The following PTPN3 variants were observed in gnomAD, a reference collection of about 807,000 sequenced individuals.
PTPN3 encodes the protein protein tyrosine phosphatase non-receptor type 3, also known as tyrosine-protein phosphatase non-receptor type 3.
A neutral mutation model predicts 132.7 loss-of-function variants in PTPN3; 96 were observed. The ratio of observed to expected loss-of-function variants is 0.72; its 90% confidence interval spans 0.61 to 0.86. PTPN3 has a LOEUF of 0.86. Ranked by LOEUF, PTPN3 falls within the 40% of genes least tolerant of loss-of-function variation. PTPN3 has a pLI of 0.00. For missense variants in PTPN3, 1,125 were observed against 1,159.6 expected (o/e 0.97, Z 0.43); for synonymous variants, 398 against 429.0 (o/e 0.93, Z 0.89).
chr9:109,515,903 A>C, the PTPN3 span, among the ~76,000 whole-genome samples: 4 of 152,192 alleles, frequency 2.6e-5, no homozygotes, highest in African/African-American at 9.7e-5. Flanking sequence ...ATCAGGATCA[A>C]ATTTCAACAT....
intron 4 of PTPN3, 73 bp from the exon 5 acceptor site, chr9:109,454,647 A>T: frequency 8.6e-7 from 1 of 1,161,440 alleles, no homozygotes; most frequent in Admixed American, 1.8e-5. Flanking sequence ...CTTCTCTTCC[A>T]TAAGTGATGC....
intron 16 of PTPN3, among the ~76,000 whole-genome samples, chr9:109,408,796 A>ATATAT (rs1554783378): frequency 0.028 from 3,020 of 107,748 alleles, 32 homozygotes; most frequent in Middle Eastern, 0.032. Context: ...AAAAAAAAAA[A>ATATAT]ATATATATAT....
At chr9:109,527,451 A>G in the PTPN3 span, among the ~76,000 whole-genome samples, 1 of 152,270 alleles carries the variant, frequency 6.6e-6, no homozygotes, top group African/African-American at 2.4e-5. Context: ...ACGGAGCGAG[A>G]CACTGTCTAA....
intron 14 of PTPN3, among the ~76,000 whole-genome samples, chr9:109,418,519 A>G (rs1842682109): frequency 1.3e-5 from 2 of 152,252 alleles, no homozygotes; most frequent in African/African-American, 2.4e-5. Flanking sequence ...CTACTCCCAC[A>G]TGAATTCTGT....
the PTPN3 span, among the ~76,000 whole-genome samples, chr9:109,534,643 A>AAC: frequency 1.7e-4 from 26 of 149,746 alleles, no homozygotes; most frequent in African/African-American, 6.1e-4. Flanking sequence ...AAAAAAAAAA[A>AAC]AAAAAAAAAA....
chr9:109,498,667 T>C (rs902204868), upstream of PTPN3, among the ~76,000 whole-genome samples: 9 of 152,218 alleles, frequency 5.9e-5, no homozygotes, highest in Non-Finnish European at 1.2e-4. The surrounding 1 kb of genome is among the most constrained non-coding windows in gnomAD (Gnocchi z 4.2). Context: ...GAGGTCCCGC[T>C]GACTTCCAGT....
the PTPN3 span, among the ~76,000 whole-genome samples, chr9:109,512,049 T>C: frequency 3.9e-5 from 6 of 152,190 alleles, no homozygotes; most frequent in Admixed American, 2.0e-4. Flanking sequence ...AGGTCTAATT[T>C]GGTAGGGCGA....
At chr9:109,390,792 A>G (rs1840007510) in intron 21 of PTPN3, among the ~76,000 whole-genome samples, 1 of 151,994 alleles carries the variant, frequency 6.6e-6, no homozygotes, top group African/African-American at 2.4e-5. Flanking sequence ...GATGACACTC[A>G]TTACATGGAG....
At chr9:109,507,041 G>C in the PTPN3 span, among the ~76,000 whole-genome samples, 3 of 152,182 alleles carry the variant, frequency 2.0e-5, no homozygotes, top group Non-Finnish European at 4.4e-5. Context: ...TGCTGACCAA[G>C]TGCAAAGCCC....
chr9:109,444,106 G>T (rs1318952646), intron 7 of PTPN3, among the ~76,000 whole-genome samples: 2 of 152,122 alleles, frequency 1.3e-5, no homozygotes, highest in Non-Finnish European at 2.9e-5. Flanking sequence ...TCTCAGACCT[G>T]ATCATCTTGC....
At chr9:109,537,696 C>T in the PTPN3 span, among the ~76,000 whole-genome samples, 1 of 152,216 alleles carries the variant, frequency 6.6e-6, no homozygotes, top group African/African-American at 2.4e-5. Context: ...TTACTGGTCC[C>T]TCAACAATGA....
At chr9:109,511,708 G>A in the PTPN3 span, among the ~76,000 whole-genome samples, 20 of 152,140 alleles carry the variant, frequency 1.3e-4, no homozygotes, top group Non-Finnish European at 2.9e-4. Flanking sequence ...TCATGAGGAC[G>A]GGAAAAATCA....
chr9:109,450,394 A>G, intron 5 of PTPN3: 1 of 984,866 alleles, frequency 1.0e-6, no homozygotes, highest in Non-Finnish European at 1.2e-6. Context: ...GAGAAAGGAG[A>G]GTTATAGATA....
intron 19 of PTPN3, among the ~76,000 whole-genome samples, chr9:109,399,940 CTTTTTT>C (rs1231862931): frequency 7.3e-6 from 1 of 136,296 alleles, no homozygotes; most frequent in Non-Finnish European, 1.6e-5. Context: ...ACACAGTTAC[CTTTTTT>C]TTTTTTTTTT....
Position 109,488,248 on chromosome 9 carries a change from C to T in PTPN3, c.-18+9971G>A, listed in dbSNP as rs546402863. Among the ~76,000 whole-genome samples, 5 of 151,950 alleles carry T rather than the reference C, an allele frequency of 3.3e-5. No homozygotes were observed. The South Asian group carries it at 8.3e-4, about 25-fold the overall frequency. On this transcript the variant is annotated intron_variant, in intron 1 of 25. Transcript: ENST00000374541. Reference sequence around the variant, plus strand: ...TCCGGAGTAGCTGCGACTACAGGCACCCACCAGCACTGTGTAATTTTTTGT... The same window carrying T: ...TCCGGAGTAGCTGCGACTACAGGCATCCACCAGCACTGTGTAATTTTTTGT...
chr9:109,406,566 T>C lies in PTPN3; in HGVS notation c.1688A>G (p.Asn563Ser). The change falls in exon 18 of 26, where the codon AAT becomes AGT. Residue 563 changes from asparagine (N) to serine (S), a missense_variant. Transcript: ENST00000374541. ...CGTGTGTTCTGAGATGTCCCGGCCA[T>C]TGATTAACACGATTTGATCCCCTTC... Reference protein sequence around the residue: ...LNEGDQIVLINGRDISEHTHD... With the variant: ...LNEGDQIVLISGRDISEHTHD... 1.2e-6 allele frequency: 2 copies of C among 1,614,176 alleles called. No individual in the cohort carries two copies. Among genetic ancestry groups the C allele is most frequent in the Non-Finnish European group, 1.7e-6 (2 of 1,180,016 alleles).
At chr9:109,456,374 C>T (rs568332965) in intron 4 of PTPN3, among the ~76,000 whole-genome samples, 7 of 152,344 alleles carry the variant, frequency 4.6e-5, no homozygotes, top group African/African-American at 1.7e-4. Flanking sequence ...AGAACCCCAA[C>T]ACGGGTGATG....
chr9:109,454,814 C>T (rs759922548), intron 4 of PTPN3, among the ~76,000 whole-genome samples: 1 of 152,182 alleles, frequency 6.6e-6, no homozygotes, highest in Non-Finnish European at 1.5e-5. Context: ...TCCTAGCACA[C>T]GTTTATCTTA....
chr9:109,398,782 A>C (rs1223463247), intron 19 of PTPN3, among the ~76,000 whole-genome samples: 2 of 152,196 alleles, frequency 1.3e-5, no homozygotes, highest in Non-Finnish European at 2.9e-5. Flanking sequence ...TAGCATCATC[A>C]CTTAGCTTTT....
Sources: allele counts gnomAD v4.1 joint callset (sites outside exome capture counted in the v4.1 genomes callset), GRCh38; gene constraint gnomAD v4.1.1; non-coding constraint Gnocchi (gnomAD v3.1); transcripts MANE v1.5; gene names NCBI Gene and HGNC (gene_info 2026-07-23, HGNC 2026-07-21).